Variants in ITGAE observed in about 807,000 individuals in gnomAD.
ITGAE encodes integrin alpha-E.
Under a neutral mutation model 136.5 loss-of-function variants are expected in ITGAE, and 99 were observed. That is an observed-to-expected ratio of 0.73 (90% CI 0.62 to 0.86). The LOEUF (loss-of-function observed/expected upper bound fraction) is 0.86. Among genes scored for constraint, ITGAE ranks in the 40% least tolerant of loss-of-function variants. The pLI is 0.00. For missense variants in ITGAE, 1,447 were observed against 1,515.3 expected (o/e 0.95, Z 0.75); for synonymous variants, 613 against 591.8 (o/e 1.04, Z -0.52).
intron 20 of ITGAE, 106 bp downstream of exon 20, chr17:3,739,699 C>T (rs139986967): frequency 1.7e-4 from 161 of 937,754 alleles, no homozygotes; most frequent in African/African-American, 1.4e-3. Context: ...TTGTGGGCCA[C>T]GGGGAGAGGG....
chr17:3,773,207 A>C (rs1382038866), intron 2 of ITGAE, among the ~76,000 whole-genome samples: 1 of 152,132 alleles, frequency 6.6e-6, no homozygotes, highest in East Asian at 1.9e-4. Context: ...AAAGGATATT[A>C]CAGGCCAGGT....
At chr17:3,771,534 CTTTTTTT>C (rs71312930) in intron 2 of ITGAE, among the ~76,000 whole-genome samples, 9 of 123,236 alleles carry the variant, frequency 7.3e-5, no homozygotes, top group South Asian at 2.7e-4. Context: ...GCATTTTTCT[CTTTTTTT>C]TTTTTTTTTT....
chr17:3,737,080 G>A (rs146524012), intron 20 of ITGAE, among the ~76,000 whole-genome samples: 4,479 of 152,174 alleles, frequency 0.029, 92 homozygotes, highest in Middle Eastern at 0.051. Flanking sequence ...ATCACTTGAG[G>A]CCAAGAGTTC....
intron 12 of ITGAE, 44 bp downstream of exon 12, chr17:3,755,073 C>T (rs1489877464): frequency 6.4e-7 from 1 of 1,550,400 alleles, no homozygotes; most frequent in Non-Finnish European, 8.7e-7. Context: ...CAGGCCCCGC[C>T]CTCATCAGGT....
In ITGAE at chr17:3,794,513, G is replaced by C. The variant is rs546258595; in HGVS notation, c.34+6598C>G. Among the ~76,000 whole-genome samples, 4 of 152,288 alleles carry C rather than the reference G, an allele frequency of 2.6e-5. No individual in the cohort carries two copies. In the East Asian group the frequency reaches 5.8e-4, roughly 22 times the overall value. On this transcript the variant is annotated intron_variant, in intron 1 of 30. Transcript: ENST00000263087. Reference sequence around the variant, plus strand: ...CTGCCTCGATCGCCACATTATCTCAGGGCCTGGCATGGTGGCCCACCCTCG... The same window carrying C: ...CTGCCTCGATCGCCACATTATCTCACGGCCTGGCATGGTGGCCCACCCTCG...
chr17:3,790,439 G>A (rs150561501), intron 1 of ITGAE, among the ~76,000 whole-genome samples: 16,408 of 151,662 alleles, frequency 0.11, 1,184 homozygotes, highest in Non-Finnish European at 0.15. Flanking sequence ...CCTGGGAGGC[G>A]GAGGTTGCAG....
intron 2 of ITGAE, among the ~76,000 whole-genome samples, chr17:3,776,848 G>A (rs998216342): frequency 2.0e-5 from 3 of 151,620 alleles, no homozygotes; most frequent in Non-Finnish European, 4.4e-5. Context: ...CGTGAGCCAC[G>A]GTGCCAGGCC....
chr17:3,781,411 G>A (rs1473292150), intron 1 of ITGAE, among the ~76,000 whole-genome samples: 3 of 151,308 alleles, frequency 2.0e-5, no homozygotes, highest in Non-Finnish European at 4.4e-5. Context: ...GTGCAGTGGC[G>A]CTATCTCGGC....
intron 11 of ITGAE, 148 bp downstream of exon 11, chr17:3,755,682 A>G (rs535550924): frequency 5.4e-6 from 3 of 554,832 alleles, no homozygotes; most frequent in East Asian, 6.3e-5. Flanking sequence ...AAATAAATAA[A>G]TTAATTAATT....
intron 6 of ITGAE, among the ~76,000 whole-genome samples, 170 bp from the exon 7 acceptor site, chr17:3,760,457 T>TTTTTTTA (rs1420885557): frequency 1.4e-5 from 2 of 145,932 alleles, no homozygotes; most frequent in South Asian, 2.2e-4. Context: ...TTTTTTTTTT[T>TTTTTTTA]GAGACAGAGC....
intron 16 of ITGAE, 40 bp from the exon 17 acceptor site, chr17:3,748,092 C>G (rs199683269): frequency 1.3e-6 from 2 of 1,592,466 alleles, no homozygotes; most frequent in Non-Finnish European, 1.7e-6. Flanking sequence ...AGTGACTGCT[C>G]AGCCTCTGGG....
At chr17:3,715,916 G>A (rs1185658695) in intron 30 of ITGAE, among the ~76,000 whole-genome samples, 1 of 151,928 alleles carries the variant, frequency 6.6e-6, no homozygotes, top group Non-Finnish European at 1.5e-5. Context: ...CAGAACTTTG[G>A]GAGGCCGAGG....
At chr17:3,773,315 A>AC (rs139792138) in intron 2 of ITGAE, among the ~76,000 whole-genome samples, 15,437 of 151,850 alleles carry the variant, frequency 0.1, 1,030 homozygotes, top group Non-Finnish European at 0.15. Flanking sequence ...CATTGGTGAA[A>AC]CCCCGTCTCT....
intron 22 of ITGAE, among the ~76,000 whole-genome samples, 179 bp downstream of exon 22, chr17:3,732,189 G>A (rs1029767381): frequency 1.3e-5 from 2 of 152,174 alleles, no homozygotes; most frequent in Non-Finnish European, 1.5e-5. Context: ...GTACTGGAAA[G>A]CTCTCGTCCC....
intron 2 of ITGAE, among the ~76,000 whole-genome samples, chr17:3,772,760 G>A (rs2052457009): frequency 6.6e-6 from 1 of 152,114 alleles, no homozygotes; most frequent in South Asian, 2.1e-4. Flanking sequence ...CACCGCGCCT[G>A]GCAGTGACCA....
chr17:3,773,131 G>A (rs1474209617), intron 2 of ITGAE, among the ~76,000 whole-genome samples: 1 of 152,146 alleles, frequency 6.6e-6, no homozygotes, highest in East Asian at 1.9e-4. Context: ...CTTTCCTTGG[G>A]CTTAATTTGC....
At chr17:3,778,384 G>T (rs759206943) in intron 1 of ITGAE, among the ~76,000 whole-genome samples, 3 of 152,132 alleles carry the variant, frequency 2.0e-5, no homozygotes, top group Non-Finnish European at 4.4e-5. Flanking sequence ...CCAACATGAT[G>T]AAACCCTGTC....
chr17:3,792,923 C>T (rs987339016), intron 1 of ITGAE, among the ~76,000 whole-genome samples: 3 of 152,210 alleles, frequency 2.0e-5, no homozygotes, highest in Non-Finnish European at 4.4e-5. Flanking sequence ...TGAAGAAACC[C>T]TGCACCCCAG....
intron 26 of ITGAE, chr17:3,724,932 A>C: frequency 6.2e-7 from 1 of 1,613,756 alleles, no homozygotes. Flanking sequence ...CAGGCTGGAG[A>C]GAACTAGATC....
Sources: gnomAD v4.1 joint callset for allele counts (sites outside exome capture counted in the v4.1 genomes callset) on GRCh38, gnomAD v4.1.1 for gene constraint, MANE v1.5 for transcripts, NCBI Gene and HGNC (gene_info 2026-07-23, HGNC 2026-07-21) for gene names.